Variants in AP1S3 observed in about 807,000 individuals in gnomAD.
AP1S3 encodes the protein adaptor related protein complex 1 subunit sigma 3.
In AP1S3, 10 loss-of-function variants were observed where a neutral mutation model predicts 20.9. The observed-to-expected ratio is 0.48, with a 90% CI of 0.29 to 0.81. AP1S3 has a LOEUF of 0.81. Ranked by LOEUF, AP1S3 falls within the 30% of genes least tolerant of loss-of-function variation. The pLI is 0.08. For missense variants in AP1S3, 154 were observed against 183.8 expected (o/e 0.84, Z 0.94); for synonymous variants, 41 against 61.5 (o/e 0.67, Z 1.56).
At chr2:223,818,093 A>T (rs1691897636) in intron 1 of AP1S3, among the ~76,000 whole-genome samples, 2 of 151,140 alleles carry the variant, frequency 1.3e-5, no homozygotes, top group African/African-American at 2.5e-5. Context: ...CAGGGTAGGT[A>T]TCAAATGCAG....
In AP1S3 at chr2:223,781,586, AAATAAT is replaced by A. The variant is rs145947963; in HGVS notation, c.4-3723_4-3718del. 5.9e-5 allele frequency among the ~76,000 whole-genome samples: 9 copies of A among 152,064 alleles called. No homozygotes were observed. In the South Asian group the frequency reaches 1.7e-3, roughly 28 times the overall value. ...CCCCATATCTATTTAAAATAACAAT[AAATAAT>A]AATAATAATAATCAAATTCAATAAT... On this transcript the variant is annotated intron_variant, in intron 1 of 4. Coordinates refer to ENST00000396654, the MANE Select transcript of AP1S3 (RefSeq NM_001039569.2).
At chr2:223,781,398 T>TC (rs1200753658) in intron 1 of AP1S3, among the ~76,000 whole-genome samples, 1 of 148,716 alleles carries the variant, frequency 6.7e-6, no homozygotes, top group African/African-American at 2.5e-5. Context: ...AACACAGCAT[T>TC]TTTTTTTTTA....
intron 3 of AP1S3, among the ~76,000 whole-genome samples, chr2:223,765,812 A>C (rs1324793483): frequency 6.6e-6 from 1 of 152,198 alleles, no homozygotes; most frequent in African/African-American, 2.4e-5. Flanking sequence ...TGTCACAGCC[A>C]GTGGTTCTCA....
intron 1 of AP1S3, among the ~76,000 whole-genome samples, chr2:223,799,024 T>C (rs1383544256): frequency 1.3e-5 from 2 of 152,134 alleles, no homozygotes; most frequent in Non-Finnish European, 2.9e-5. Flanking sequence ...TGGAGCGAGA[T>C]TGCGCCACTG....
chr2:223,826,159 G>C (rs1692123102), intron 1 of AP1S3, among the ~76,000 whole-genome samples: 1 of 152,100 alleles, frequency 6.6e-6, no homozygotes, highest in Non-Finnish European at 1.5e-5. Context: ...TAGTAAATAT[G>C]CTGATTGAAT....
chr2:223,818,340 C>G (rs188662660), intron 1 of AP1S3, among the ~76,000 whole-genome samples: 139 of 151,614 alleles, frequency 9.2e-4, no homozygotes, highest in Non-Finnish European at 1.3e-3. Context: ...TCGCTTGAGT[C>G]CAGGAGGCAG....
At chr2:223,787,050 C>T (rs979165526) in intron 1 of AP1S3, among the ~76,000 whole-genome samples, 2 of 152,128 alleles carry the variant, frequency 1.3e-5, no homozygotes, top group African/African-American at 2.4e-5. Flanking sequence ...AATGAGTTAG[C>T]GCCATCTCCT....
At chr2:223,817,308 A>T (rs1157230868) in intron 1 of AP1S3, among the ~76,000 whole-genome samples, 1 of 152,036 alleles carries the variant, frequency 6.6e-6, no homozygotes, top group Non-Finnish European at 1.5e-5. Context: ...AGAGTCCTGG[A>T]AAAAGAAAAC....
chr2:223,786,082 T>C (rs1691065252), intron 1 of AP1S3, among the ~76,000 whole-genome samples: 1 of 152,222 alleles, frequency 6.6e-6, no homozygotes, highest in Non-Finnish European at 1.5e-5. Flanking sequence ...AGAGATCTCA[T>C]ACCTTCCACT....
At chr2:223,817,319 A>G (rs1000657474) in intron 1 of AP1S3, among the ~76,000 whole-genome samples, 5 of 151,882 alleles carry the variant, frequency 3.3e-5, no homozygotes. Flanking sequence ...AAAAGAAAAC[A>G]ATTTGGGGGC....
chr2:223,780,090 A>C (rs556227661), intron 1 of AP1S3, among the ~76,000 whole-genome samples: 1 of 151,696 alleles, frequency 6.6e-6, no homozygotes, highest in East Asian at 1.9e-4. Context: ...CTTTTTACTC[A>C]GATCTTCCAC....
chr2:223,836,526 G>A lies in AP1S3; in HGVS notation c.3+922C>T, dbSNP rs191046463. Among the ~76,000 whole-genome samples, 904 of 152,318 alleles carry A rather than the reference G, an allele frequency of 5.9e-3. 4 individuals carry two copies. Among genetic ancestry groups the A allele is most frequent in the African/African-American group, 0.021 (854 of 41,566 alleles). Reference sequence around the variant, plus strand: ...AGGCCGAGGCAGGCGGATCACCTGAGGTCAGGAGTTCGAGACCAGCCTGGC... The same window carrying A: ...AGGCCGAGGCAGGCGGATCACCTGAAGTCAGGAGTTCGAGACCAGCCTGGC... On this transcript the variant is annotated intron_variant, in intron 1 of 4. Coordinates refer to ENST00000396654, the MANE Select transcript of AP1S3 (RefSeq NM_001039569.2).
chr2:223,781,461 T>C (rs62185104), intron 1 of AP1S3, among the ~76,000 whole-genome samples: 5,584 of 151,934 alleles, frequency 0.037, 149 homozygotes, highest in Non-Finnish European at 0.055. Context: ...CTTGGCCAGG[T>C]GTGGTGGCTC....
At chr2:223,779,421 T>C (rs550976309) in intron 1 of AP1S3, among the ~76,000 whole-genome samples, 1 of 152,120 alleles carries the variant, frequency 6.6e-6, no homozygotes, top group Non-Finnish European at 1.5e-5. Flanking sequence ...AAAAAAGAAA[T>C]TTTTAAAAAC....
intron 3 of AP1S3, chr2:223,770,086 T>TA: frequency 6.9e-7 from 1 of 1,449,764 alleles, no homozygotes; most frequent in Non-Finnish European, 9.2e-7. Flanking sequence ...GAGGGACATG[T>TA]AAAAATATGC....
In AP1S3 at chr2:223,789,077, A is replaced by G. The variant is rs147168090; in HGVS notation, c.4-11208T>C. On this transcript the variant is annotated intron_variant, in intron 1 of 4. Coordinates refer to ENST00000396654, the MANE Select transcript of AP1S3 (RefSeq NM_001039569.2). ...TGCTTCTAACTATGAGTAGAGGACA[A>G]GAGTCCCAGGCATTTGAAAATAGCC... Among the ~76,000 whole-genome samples the G allele has an allele frequency of 4.6e-5, 7 of 152,242 alleles. No homozygotes were observed. In the East Asian group the frequency reaches 1.2e-3, roughly 25 times the overall value.
chr2:223,826,419 C>G (rs535008061), intron 1 of AP1S3, among the ~76,000 whole-genome samples: 49 of 152,054 alleles, frequency 3.2e-4, no homozygotes, highest in Non-Finnish European at 5.9e-4. Flanking sequence ...ATGGTGAAAC[C>G]CCATCTCTAC....
At chr2:223,832,131 CTCTCTGTGTG>C (rs1313954771) in intron 1 of AP1S3, among the ~76,000 whole-genome samples, 1,495 of 114,724 alleles carry the variant, frequency 0.013, 22 homozygotes, top group Middle Eastern at 0.032. Flanking sequence ...AAGGAGTTTT[CTCTCTGTGTG>C]TGTGTGTGTG....
chr2:223,808,986 C>T (rs1341831173), intron 1 of AP1S3, among the ~76,000 whole-genome samples: 1 of 152,110 alleles, frequency 6.6e-6, no homozygotes, highest in Non-Finnish European at 1.5e-5. Context: ...CACAGGGAGA[C>T]CCCGTCTAAA....
Sources: gnomAD v4.1 joint callset for allele counts (sites outside exome capture counted in the v4.1 genomes callset) on GRCh38, gnomAD v4.1.1 for gene constraint, MANE v1.5 for transcripts, NCBI Gene and HGNC (gene_info 2026-07-23, HGNC 2026-07-21) for gene names.